Variants in PRELID2 observed in about 807,000 individuals in gnomAD.
The protein encoded by PRELID2 is PRELI domain-containing protein 2.
PRELID2 carries 25 observed loss-of-function variants against 28.4 expected under a neutral mutation model. The ratio of observed to expected loss-of-function variants is 0.88; its 90% CI spans 0.64 to 1.23. The LOEUF is 1.23. PRELID2 is among the 50% of genes most tolerant of loss of function. The pLI is 0.00. For missense variants in PRELID2, 201 were observed against 214.4 expected (o/e 0.94, Z 0.39); for synonymous variants, 76 against 71.6 (o/e 1.06, Z -0.31).
chr5:145,354,272 C>T, the PRELID2 span, among the ~76,000 whole-genome samples: 1 of 152,076 alleles, frequency 6.6e-6, no homozygotes, highest in Non-Finnish European at 1.5e-5. Context: ...GATTCCTAGC[C>T]CACTGTGTTT....
chr5:145,676,540 AAAC>A (rs554646397), intron 1 of PRELID2, among the ~76,000 whole-genome samples: 4 of 152,164 alleles, frequency 2.6e-5, no homozygotes, highest in Admixed American at 6.5e-5. Context: ...CTCTGTCTCA[AAAC>A]AACAACAACA....
intron 1 of PRELID2, among the ~76,000 whole-genome samples, chr5:145,508,638 G>A (rs1389437337): frequency 6.6e-6 from 1 of 151,950 alleles, no homozygotes; most frequent in Non-Finnish European, 1.5e-5. Context: ...GATATCATAG[G>A]GCACCTATCT....
At chr5:145,569,737 G>T (rs879700794) in intron 1 of PRELID2, among the ~76,000 whole-genome samples, 1 of 152,138 alleles carries the variant, frequency 6.6e-6, no homozygotes, top group African/African-American at 2.4e-5. Context: ...TAGACATTTT[G>T]TCAGGCAACA....
At chr5:145,312,171 C>T in the PRELID2 span, among the ~76,000 whole-genome samples, 1 of 149,928 alleles carries the variant, frequency 6.7e-6, no homozygotes. Context: ...CATGATGAGA[C>T]TCTGTCTCTA....
At chr5:145,378,236 A>G in the PRELID2 span, among the ~76,000 whole-genome samples, 1 of 151,938 alleles carries the variant, frequency 6.6e-6, no homozygotes, top group African/African-American at 2.4e-5. Flanking sequence ...TTTCATTTCA[A>G]CCTCAGAAAA....
the PRELID2 span, among the ~76,000 whole-genome samples, chr5:145,439,650 C>T: frequency 6.6e-6 from 1 of 151,994 alleles, no homozygotes; most frequent in Non-Finnish European, 1.5e-5. Flanking sequence ...GACCTAAAGC[C>T]TCTGGGTTTC....
At chr5:145,689,986 CT>C (rs749912789) in intron 1 of PRELID2, among the ~76,000 whole-genome samples, 5,773 of 114,872 alleles carry the variant, frequency 0.05, 192 homozygotes, top group African/African-American at 0.15. Context: ...CTGTGGGGGT[CT>C]TTTTTTTTTT....
chr5:145,327,169 T>C, the PRELID2 span, among the ~76,000 whole-genome samples: 2 of 152,172 alleles, frequency 1.3e-5, no homozygotes, highest in Non-Finnish European at 2.9e-5. Flanking sequence ...ACTGTTTTTT[T>C]ACTGACTTTT....
At chr5:145,243,822 C>A in the PRELID2 span, among the ~76,000 whole-genome samples, 2 of 152,080 alleles carry the variant, frequency 1.3e-5, no homozygotes, top group African/African-American at 4.8e-5. Flanking sequence ...ATAAATGTTC[C>A]ATTTCCCTAG....
chr5:145,761,730 T>C (rs1403016842), intron 6 of PRELID2, among the ~76,000 whole-genome samples: 1 of 152,188 alleles, frequency 6.6e-6, no homozygotes, highest in Non-Finnish European at 1.5e-5. Flanking sequence ...TAAAACTTTG[T>C]GTATAAAAGC....
chr5:145,595,161 GACACACACACACACACAC>G (rs3038287), intron 1 of PRELID2, among the ~76,000 whole-genome samples: 2 of 131,192 alleles, frequency 1.5e-5, no homozygotes, highest in Non-Finnish European at 3.2e-5. Context: ...AGTCATAATA[GACACACACACACACACAC>G]ACACACACAC....
intron 4 of PRELID2, among the ~76,000 whole-genome samples, chr5:145,809,509 T>C (rs964498561): frequency 1.3e-5 from 2 of 152,218 alleles, no homozygotes; most frequent in East Asian, 3.9e-4. Context: ...TGCAGGGCCC[T>C]GGGAGAGCTT....
chr5:145,700,764 T>C (rs1392592137), intron 1 of PRELID2, among the ~76,000 whole-genome samples: 2 of 152,170 alleles, frequency 1.3e-5, no homozygotes, highest in Non-Finnish European at 2.9e-5. Context: ...TCCAACTCAC[T>C]GTAGCTCACA....
At chr5:145,509,438 G>A (rs1752442118) in intron 1 of PRELID2, among the ~76,000 whole-genome samples, 1 of 152,170 alleles carries the variant, frequency 6.6e-6, no homozygotes, top group Non-Finnish European at 1.5e-5. Context: ...TGGCATTTTA[G>A]AGAGGCAAGG....
chr5:145,817,881 A>G lies in PRELID2; in HGVS notation c.368+13T>C. ...GCAACCAAAACACACACACATATAC[A>G]CACGAGTCTTACCAATTTGGGTTTT... On this transcript the variant is annotated intron_variant, in intron 4 of 6. Coordinates refer to ENST00000683046, the MANE Select transcript of PRELID2 (RefSeq NM_205846.3). 1 of 1,535,584 alleles carries G rather than the reference A, an allele frequency of 6.5e-7. No homozygotes were observed. The highest frequency in any genetic ancestry group is 1.8e-4 in the Middle Eastern group (1 of 5,662).
chr5:145,405,699 GTTGTTTT>G, the PRELID2 span, among the ~76,000 whole-genome samples: 2 of 45,984 alleles, frequency 4.3e-5, no homozygotes. Flanking sequence ...GTACCACATA[GTTGTTTT>G]TTTTTTTTTT....
At chr5:145,263,572 T>A in the PRELID2 span, among the ~76,000 whole-genome samples, 5 of 151,540 alleles carry the variant, frequency 3.3e-5, no homozygotes, top group Admixed American at 6.6e-5. Flanking sequence ...ATAAAAAAAA[T>A]TGATAGACCA....
chr5:145,490,467 A>G (rs2126626140), intron 1 of PRELID2, among the ~76,000 whole-genome samples: 1 of 152,330 alleles, frequency 6.6e-6, no homozygotes, highest in African/African-American at 2.4e-5. Flanking sequence ...AAGAAACACC[A>G]TTGTGGAAAA....
intron 1 of PRELID2, among the ~76,000 whole-genome samples, chr5:145,824,440 G>GTGTC (rs1188834775): frequency 1.5e-5 from 2 of 131,258 alleles, no homozygotes; most frequent in African/African-American, 5.1e-5. Context: ...GTGTGTGTGT[G>GTGTC]TGTGTGTGTG....
Sources: allele counts gnomAD v4.1 joint callset (sites outside exome capture counted in the v4.1 genomes callset), GRCh38; gene constraint gnomAD v4.1.1; transcripts MANE v1.5; gene names NCBI Gene and HGNC (gene_info 2026-07-23, HGNC 2026-07-21).